The following NR3C2 variants were observed in gnomAD, a reference collection of about 807,000 sequenced individuals.
NR3C2 encodes the protein nuclear receptor subfamily 3 group C member 2, also known as mineralocorticoid receptor.
Under a neutral mutation model 86.4 loss-of-function variants are expected in NR3C2, and 15 were observed. The ratio of observed to expected loss-of-function variants is 0.17; its 90% CI spans 0.12 to 0.27. NR3C2 has a LOEUF of 0.27. NR3C2 is among the 10% of genes least tolerant of loss of function. NR3C2 has a pLI of 1.00. For missense variants in NR3C2, 960 were observed against 1,195.6 expected (o/e 0.80, Z 2.91); for synonymous variants, 458 against 450.5 (o/e 1.02, Z -0.21).
At chr4:148,134,639 C>CTT (rs1560938861) in intron 6 of NR3C2, among the ~76,000 whole-genome samples, 2 of 58,056 alleles carry the variant, frequency 3.4e-5, no homozygotes, top group African/African-American at 1.3e-4. Context: ...CTCTCTCTCT[C>CTT]TCTCTTTTTT....
At chr4:148,353,939 C>T (rs1745426617) in intron 2 of NR3C2, among the ~76,000 whole-genome samples, 1 of 152,120 alleles carries the variant, frequency 6.6e-6, no homozygotes, top group Non-Finnish European at 1.5e-5. Flanking sequence ...GGATGAATAC[C>T]TCTTTCACCA....
chr4:148,193,927 C>T (rs1483625525), intron 4 of NR3C2, among the ~76,000 whole-genome samples: 2 of 152,190 alleles, frequency 1.3e-5, no homozygotes, highest in Non-Finnish European at 2.9e-5. Flanking sequence ...TCTCCCATCC[C>T]TCCACTGATC....
chr4:148,272,476 G>A (rs1028010066), intron 2 of NR3C2, among the ~76,000 whole-genome samples: 3 of 152,148 alleles, frequency 2.0e-5, no homozygotes, highest in Admixed American at 1.3e-4. Flanking sequence ...GTGTGTATAA[G>A]TGTGTGAAAG....
At chr4:148,137,346 A>C (rs2149749941) in intron 6 of NR3C2, among the ~76,000 whole-genome samples, 1 of 152,214 alleles carries the variant, frequency 6.6e-6, no homozygotes, top group African/African-American at 2.4e-5. Flanking sequence ...AATTTATTGG[A>C]TCTCTCTCTG....
At chr4:148,213,215 G>C (rs555467085) in intron 3 of NR3C2, among the ~76,000 whole-genome samples, 1 of 151,918 alleles carries the variant, frequency 6.6e-6, no homozygotes, top group Non-Finnish European at 1.5e-5. Context: ...AGCACACACA[G>C]TGCCTTCTAC....
chr4:148,364,278 A>G (rs921266964), intron 2 of NR3C2, among the ~76,000 whole-genome samples: 12 of 152,202 alleles, frequency 7.9e-5, no homozygotes, highest in Non-Finnish European at 1.2e-4. Context: ...TGGAAATGAA[A>G]CATGCGCTTT....
intron 4 of NR3C2, among the ~76,000 whole-genome samples, chr4:148,191,389 G>A (rs1020763629): frequency 8.5e-5 from 13 of 152,118 alleles, no homozygotes; most frequent in African/African-American, 3.1e-4. Flanking sequence ...AGGTTACCTG[G>A]TGCTTCTGTC....
At chr4:148,256,663 C>A (rs954588510) in intron 3 of NR3C2, among the ~76,000 whole-genome samples, 2 of 151,998 alleles carry the variant, frequency 1.3e-5, no homozygotes, top group African/African-American at 4.8e-5. Flanking sequence ...CAAGGGAGAA[C>A]CCTTTTTTTA....
intron 2 of NR3C2, among the ~76,000 whole-genome samples, chr4:148,260,760 G>T (rs1031718603): frequency 5.9e-5 from 9 of 152,090 alleles, no homozygotes; most frequent in African/African-American, 2.2e-4. Flanking sequence ...AAATATCTCA[G>T]GTATCTTTCA....
intron 3 of NR3C2, among the ~76,000 whole-genome samples, chr4:148,254,368 T>C (rs1739723574): frequency 6.6e-6 from 1 of 152,172 alleles, no homozygotes; most frequent in South Asian, 2.1e-4. Flanking sequence ...TAACACAAAA[T>C]TGCTTCTGGT....
chr4:148,385,924 T>C (rs555895807), intron 2 of NR3C2, among the ~76,000 whole-genome samples: 1 of 152,312 alleles, frequency 6.6e-6, no homozygotes, highest in African/African-American at 2.4e-5. Context: ...AGGCACATTT[T>C]GCCACTAAAG....
intron 2 of NR3C2, among the ~76,000 whole-genome samples, chr4:148,346,965 G>A (rs1037224810): frequency 1.8e-4 from 27 of 152,050 alleles, no homozygotes; most frequent in African/African-American, 5.8e-4. Context: ...GTGGTATGAC[G>A]AGGAAGAGCT....
chr4:148,295,260 A>T (rs922090727), intron 2 of NR3C2, among the ~76,000 whole-genome samples: 2 of 152,088 alleles, frequency 1.3e-5, no homozygotes, highest in African/African-American at 4.8e-5. Context: ...TACTAATGTA[A>T]TAAGAAAAGA....
intron 3 of NR3C2, among the ~76,000 whole-genome samples, chr4:148,222,254 C>T (rs970993953): frequency 2.0e-5 from 3 of 152,100 alleles, no homozygotes; most frequent in Admixed American, 1.3e-4. Context: ...CAAAATGACA[C>T]ATTTTCTATT....
intron 4 of NR3C2, among the ~76,000 whole-genome samples, chr4:148,191,199 T>C (rs4122851): frequency 0.017 from 2,658 of 152,300 alleles, 83 homozygotes; most frequent in African/African-American, 0.059. Flanking sequence ...TCTCTCAGCA[T>C]TTGTTTGTCT....
intron 2 of NR3C2, among the ~76,000 whole-genome samples, chr4:148,297,713 A>G (rs1053190145): frequency 6.6e-6 from 1 of 152,202 alleles, no homozygotes; most frequent in African/African-American, 2.4e-5. Context: ...GCTTCCAAAA[A>G]AAGATCTGAC....
chr4:148,395,118 G>A (rs1747794238), intron 2 of NR3C2, among the ~76,000 whole-genome samples: 1 of 152,030 alleles, frequency 6.6e-6, no homozygotes, highest in Non-Finnish European at 1.5e-5. Flanking sequence ...AATAGGATAT[G>A]TACTTAAATA....
intron 2 of NR3C2, among the ~76,000 whole-genome samples, chr4:148,379,092 CAA>C (rs1010293812): frequency 2.0e-5 from 3 of 152,100 alleles, no homozygotes; most frequent in African/African-American, 7.2e-5. Flanking sequence ...ACAACACTAA[CAA>C]GAGATTAAGC....
intron 8 of NR3C2, among the ~76,000 whole-genome samples, chr4:148,091,195 T>G (rs1474075348): frequency 1.3e-5 from 2 of 152,254 alleles, no homozygotes; most frequent in Non-Finnish European, 2.9e-5. Flanking sequence ...CTGCAGTTGC[T>G]GATGTCAGGG....
Sources: gnomAD v4.1 joint callset for allele counts (sites outside exome capture counted in the v4.1 genomes callset) on GRCh38, gnomAD v4.1.1 for gene constraint, MANE v1.5 for transcripts, NCBI Gene and HGNC (gene_info 2026-07-23, HGNC 2026-07-21) for gene names.